MAP3K1: variants seen among roughly 807,000 people sequenced by gnomAD.
MAP3K1 encodes mitogen-activated protein kinase kinase kinase 1, also known as MAP/ERK kinase kinase 1.
MAP3K1 carries 36 observed loss-of-function variants against 144.2 expected under a neutral mutation model. The observed-to-expected ratio is 0.25, with a 90% CI of 0.19 to 0.33. The LOEUF is 0.33. Ranked by LOEUF, MAP3K1 falls within the 10% of genes least tolerant of loss-of-function variation. The pLI, the probability that MAP3K1 is intolerant of heterozygous loss-of-function variation, is 1.00. For synonymous variants in MAP3K1, 718 were observed against 688.7 expected, an observed-to-expected ratio of 1.04 and a Z score of -0.67; for missense variants, 1,650 against 1,881.9, an observed-to-expected ratio of 0.88 and a Z score of 2.28.
At chr5:56,872,575 G>GTTATGAAATAAAAATAATGTTAAACAT (rs1747887560) in intron 7 of MAP3K1, 66 bp from the exon 8 acceptor site, 1 of 918,198 alleles carries the variant, frequency 1.1e-6, no homozygotes, top group Admixed American at 1.8e-5. Flanking sequence ...ATTATAAACA[G>GTTATGAAATAAAAATAATGTTAAACAT]TTATGAAATA....
Position 56,815,606 on chromosome 5 carries a change from G to T in MAP3K1, c.33G>T (p.Ser11=), listed in dbSNP as rs1745920122. The part of the protein sequence containing the change: MAAAAGNRAS[S]SGFPGARATS... Reference sequence around the variant, plus strand: ...CGGCGGCGGGGAATCGCGCCTCGTCGTCGGGATTCCCGGGCGCCAGGGCTA... The same window carrying T: ...CGGCGGCGGGGAATCGCGCCTCGTCTTCGGGATTCCCGGGCGCCAGGGCTA... Residue 11 remains serine (S), a synonymous_variant, in exon 1 of 20, where the codon TCG becomes TCT. Coordinates refer to ENST00000399503, the MANE Select transcript of MAP3K1 (RefSeq NM_005921.2). 1 of 1,311,612 alleles carries T rather than the reference G, an allele frequency of 7.6e-7. No individual in the cohort carries two copies. Among genetic ancestry groups the T allele is most frequent in the Non-Finnish European group, 9.7e-7 (1 of 1,031,110 alleles). The allele number at this position is 1,311,612 out of a possible 1,614,324, so 81.2% of individuals were successfully genotyped here. A position where few individuals can be genotyped will look rare whatever the true frequency, so the allele number is the denominator to read the frequency against.
intron 3 of MAP3K1, among the ~76,000 whole-genome samples, chr5:56,863,663 A>G (rs963235136): frequency 6.6e-6 from 1 of 152,240 alleles, no homozygotes; most frequent in Non-Finnish European, 1.5e-5. Flanking sequence ...ATACCTAGGA[A>G]TGGAATTGCT....
intron 1 of MAP3K1, among the ~76,000 whole-genome samples, chr5:56,822,895 G>A (rs866356573): frequency 5.9e-5 from 9 of 152,036 alleles, no homozygotes; most frequent in South Asian, 2.1e-4. Context: ...CTCTCACCTC[G>A]TCAGATTCAG....
At position 56,882,512 on chromosome 5, in the gene MAP3K1, T is replaced by C. The variant is rs1485201533; in HGVS notation, c.3312T>C (p.Ala1104=). The C allele has an allele frequency of 1.2e-6, 2 of 1,614,118 alleles. No individual in the cohort carries two copies. Among genetic ancestry groups the C allele is most frequent in the Admixed American group, 3.3e-5 (2 of 60,008 alleles). The stretch of plus-strand genomic sequence containing the variant: ...GCTGTAGCAGCAATAGTAGTAATGC[T>C]GTTATACCCAGTGACGAGACAGTGT... ...SFGCSSNSSN[A]VIPSDETVFT... is the part of the protein sequence containing the mutation. The change falls in exon 14 of 20, where the codon GCT becomes GCC. Residue 1104 remains alanine, a synonymous_variant. Coordinates refer to ENST00000399503, the MANE Select transcript of MAP3K1 (RefSeq NM_005921.2).
At chr5:56,879,643 G>A (rs1258667494) in intron 11 of MAP3K1, among the ~76,000 whole-genome samples, 6 of 152,078 alleles carry the variant, frequency 3.9e-5, no homozygotes, top group African/African-American at 1.4e-4. Context: ...TAACTGGAAA[G>A]AAAAATATGA....
chr5:56,832,829 C>T (rs1015185402), intron 1 of MAP3K1, among the ~76,000 whole-genome samples: 2 of 152,152 alleles, frequency 1.3e-5, no homozygotes, highest in African/African-American at 2.4e-5. Flanking sequence ...TTTAGGTCTT[C>T]CAAAAATACA....
chr5:56,817,750 CCTAA>C (rs1746022665), intron 1 of MAP3K1, among the ~76,000 whole-genome samples: 1 of 152,182 alleles, frequency 6.6e-6, no homozygotes, highest in South Asian at 2.1e-4. Context: ...TCTATTGAGA[CCTAA>C]CTTTTTGGAT....
chr5:56,842,141 C>T (rs1265044863), intron 1 of MAP3K1: 1 of 152,210 alleles, frequency 6.6e-6, no homozygotes, highest in African/African-American at 2.4e-5. Flanking sequence ...TCTTCTCTCC[C>T]TCAATACCAG....
intron 6 of MAP3K1, 131 bp downstream of exon 6, chr5:56,866,108 C>T (rs553741923): frequency 1.7e-5 from 16 of 917,504 alleles, no homozygotes; most frequent in Non-Finnish European, 2.2e-5. Flanking sequence ...AAGTTAAAAT[C>T]AAGGGTGAAG....
chr5:56,892,370 T>C (rs1211079187), intron 19 of MAP3K1, among the ~76,000 whole-genome samples: 1 of 152,196 alleles, frequency 6.6e-6, no homozygotes, highest in Non-Finnish European at 1.5e-5. Flanking sequence ...TTTTGCACAT[T>C]GATTTTGTAT....
At chr5:56,883,420 A>T in intron 14 of MAP3K1, 107 bp from the exon 15 acceptor site, 1 of 1,021,238 alleles carries the variant, frequency 9.8e-7, no homozygotes, top group Non-Finnish European at 1.5e-6. Flanking sequence ...GGTCACATTT[A>T]TAGGTGGTTT....
rs915151095 is a variant in MAP3K1, at chr5:56,828,068, A to G, written c.482+12013A>G. Among the ~76,000 whole-genome samples, 25 of 152,166 alleles carry G rather than the reference A, an allele frequency of 1.6e-4. 1 individual carries two copies. The highest frequency in any genetic ancestry group is 5.2e-4 in the Admixed American group (8 of 15,276). On this transcript the variant is annotated intron_variant, in intron 1 of 19. Transcript: ENST00000399503. ...TTGCAAGTAACTGTCTATGCTCACT[A>G]CTTAAACCTTTAACCTTTTAGAATG...
chr5:56,828,588 C>G (rs926030365), intron 1 of MAP3K1, among the ~76,000 whole-genome samples: 1 of 152,146 alleles, frequency 6.6e-6, no homozygotes, highest in African/African-American at 2.4e-5. Flanking sequence ...ATGAGAAAAT[C>G]TGTTTTTTAA....
intron 1 of MAP3K1, among the ~76,000 whole-genome samples, chr5:56,848,971 G>A (rs915082086): frequency 6.6e-6 from 1 of 152,150 alleles, no homozygotes; most frequent in African/African-American, 2.4e-5. Flanking sequence ...TCTCTCAAAG[G>A]CCTAAATAGG....
chr5:56,848,590 TTATC>T (rs1747070203), intron 1 of MAP3K1, among the ~76,000 whole-genome samples: 1 of 152,232 alleles, frequency 6.6e-6, no homozygotes, highest in African/African-American at 2.4e-5. Context: ...TACAGTATGA[TTATC>T]TATTAATACA....
intron 10 of MAP3K1, 25 bp from the exon 11 acceptor site, chr5:56,878,955 C>T (rs1380142635): frequency 6.2e-7 from 1 of 1,612,638 alleles, no homozygotes; most frequent in Non-Finnish European, 8.5e-7. Flanking sequence ...TGTACATAAA[C>T]TGACCTTCAG....
chr5:56,877,940 G>A (rs899143655), intron 10 of MAP3K1, among the ~76,000 whole-genome samples: 1 of 151,982 alleles, frequency 6.6e-6, no homozygotes, highest in Non-Finnish European at 1.5e-5. Context: ...CCTCAATTTG[G>A]GTTTATCTGA....
intron 2 of MAP3K1, 25 bp downstream of exon 2, chr5:56,856,775 A>G: frequency 1.9e-6 from 3 of 1,612,818 alleles, no homozygotes; most frequent in African/African-American, 2.7e-5. Context: ...GTTACCAGTT[A>G]TAAGGAAGAA....
At chr5:56,823,341 T>C (rs1170777926) in intron 1 of MAP3K1, among the ~76,000 whole-genome samples, 2 of 152,178 alleles carry the variant, frequency 1.3e-5, no homozygotes, top group Non-Finnish European at 2.9e-5. Flanking sequence ...CCAGGAACAC[T>C]GTTTTTCCAT....
Sources: gnomAD v4.1 joint callset for allele counts (sites outside exome capture counted in the v4.1 genomes callset) on GRCh38, gnomAD v4.1.1 for gene constraint, MANE v1.5 for transcripts, NCBI Gene and HGNC (gene_info 2026-07-23, HGNC 2026-07-21) for gene names.